HIP1: variants seen among roughly 807,000 people sequenced by gnomAD.
The protein encoded by HIP1 is huntingtin interacting protein 1.
In HIP1, 65 loss-of-function variants were observed where a neutral mutation model predicts 147.6. The observed-to-expected ratio is 0.44, with a 90% CI of 0.36 to 0.54. The LOEUF (loss-of-function observed/expected upper bound fraction) is 0.54, where lower values mean the gene tolerates loss of function less well. HIP1 is among the 20% of genes least tolerant of loss of function. The pLI is 0.00. For synonymous variants in HIP1, 479 were observed against 504.0 expected, an observed-to-expected ratio of 0.95 and a Z score of 0.67; for missense variants, 1,061 against 1,299.6, an observed-to-expected ratio of 0.82 and a Z score of 2.82.
chr7:75,564,768 G>T (rs794359), intron 9 of HIP1, among the ~76,000 whole-genome samples: 132,831 of 151,536 alleles, frequency 0.88, 58,638 homozygotes, highest in Middle Eastern at 0.95. Flanking sequence ...CTAATTTTTT[G>T]TGTGTTTTTG....
In HIP1 at chr7:75,534,507, C is replaced by T. The variant is rs1554488202; in HGVS notation, c.*3665G>A. The stretch of plus-strand genomic sequence containing the variant: ...GGAGTGCAGTGGTGCGATCTTGGCT[C>T]ACTACAACCTCTGTCCCCCGGGTTC... On this transcript the variant is annotated 3_prime_UTR_variant, in exon 31 of 31. Coordinates refer to ENST00000336926, the MANE Select transcript of HIP1 (RefSeq NM_005338.7). The T allele has an allele frequency of 1.1e-5, 2 of 177,884 alleles. No homozygotes were observed. The highest frequency in any genetic ancestry group is 1.2e-5 in the Non-Finnish European group (1 of 83,226). The allele number at this position is 177,884 out of a possible 1,614,324, so 11.0% of individuals were successfully genotyped here.
chr7:75,621,298 G>C (rs986589233), intron 1 of HIP1, among the ~76,000 whole-genome samples: 1 of 145,786 alleles, frequency 6.9e-6, no homozygotes, highest in Non-Finnish European at 1.6e-5. Context: ...TGGCAGGCGC[G>C]AGGAAGTATG....
chr7:75,639,718 G>A (rs1798581642), intron 1 of HIP1, among the ~76,000 whole-genome samples: 1 of 152,046 alleles, frequency 6.6e-6, no homozygotes, highest in African/African-American at 2.4e-5. Flanking sequence ...GGGCGCAGGA[G>A]GCCGACATTC....
chr7:75,611,466 C>CAAA (rs11390672), intron 1 of HIP1, among the ~76,000 whole-genome samples: 18 of 87,660 alleles, frequency 2.1e-4, no homozygotes, highest in African/African-American at 3.1e-4. Context: ...GACTCTGTCT[C>CAAA]AAAAAAAAAA....
intron 1 of HIP1, among the ~76,000 whole-genome samples, chr7:75,630,027 A>G (rs1161970878): frequency 2.0e-5 from 3 of 152,114 alleles, no homozygotes; most frequent in African/African-American, 7.2e-5. Context: ...GCATGGTGGC[A>G]TGCACCTGTA....
chr7:75,620,541 C>A (rs1447173432), intron 1 of HIP1, among the ~76,000 whole-genome samples: 1 of 151,858 alleles, frequency 6.6e-6, no homozygotes, highest in Non-Finnish European at 1.5e-5. Flanking sequence ...CAAAAATTAG[C>A]CAGGGGTGGT....
rs1800068500 is a variant in HIP1 at position 75,681,513 on chromosome 7, T to TGG, written c.120+57287_120+57288insCC. ...CAGCACCTGCTTTTTTTTTTTTTTT[T>TGG]TTTTTTTTTTTGAGACAGGGTCTTG... On this transcript the variant is annotated intron_variant, in intron 1 of 30. Transcript: ENST00000336926. Among the ~76,000 whole-genome samples the TGG allele has an allele frequency of 2.0e-5, 3 of 148,046 alleles. No individual in the cohort carries two copies. The Admixed American group carries it at 2.0e-4, about 10-fold the overall frequency.
intron 1 of HIP1, among the ~76,000 whole-genome samples, chr7:75,612,276 G>A (rs1797468306): frequency 6.6e-6 from 1 of 152,196 alleles, no homozygotes; most frequent in Admixed American, 6.5e-5. Flanking sequence ...TTGGGAGGCG[G>A]AGGTGGGCGG....
intron 1 of HIP1, among the ~76,000 whole-genome samples, chr7:75,675,486 G>A (rs1799860652): frequency 1.3e-5 from 2 of 152,132 alleles, no homozygotes; most frequent in South Asian, 2.1e-4. Flanking sequence ...CCAGGCATGA[G>A]CCACTGTGCC....
chr7:75,670,065 T>C (rs1319965979), intron 1 of HIP1, among the ~76,000 whole-genome samples: 1 of 152,170 alleles, frequency 6.6e-6, no homozygotes, highest in Non-Finnish European at 1.5e-5. Flanking sequence ...CCTCCCAAAG[T>C]GCTGGGATTA....
intron 1 of HIP1, among the ~76,000 whole-genome samples, chr7:75,606,501 G>A (rs1255014899): frequency 2.0e-5 from 3 of 152,054 alleles, no homozygotes; most frequent in Admixed American, 6.6e-5. Flanking sequence ...GCTTGAACAC[G>A]GGAGGTGCAG....
intron 1 of HIP1, among the ~76,000 whole-genome samples, chr7:75,622,650 C>T (rs1243188175): frequency 1.3e-5 from 2 of 152,042 alleles, no homozygotes; most frequent in African/African-American, 4.8e-5. Flanking sequence ...TTGGGGGAAG[C>T]CAGGAGACTG....
At chr7:75,614,648 G>A (rs782362609) in intron 1 of HIP1, among the ~76,000 whole-genome samples, 2 of 152,046 alleles carry the variant, frequency 1.3e-5, no homozygotes, top group Middle Eastern at 3.2e-3. Flanking sequence ...AGTCATGTCG[G>A]TTGCACGACA....
chr7:75,648,790 A>G (rs1404652451), intron 1 of HIP1, among the ~76,000 whole-genome samples: 6 of 151,954 alleles, frequency 3.9e-5, no homozygotes, highest in African/African-American at 1.4e-4. Context: ...AGACCCTGGG[A>G]ATGGGAGGCA....
At chr7:75,619,425 C>T (rs1222671183) in intron 1 of HIP1, among the ~76,000 whole-genome samples, 1 of 149,566 alleles carries the variant, frequency 6.7e-6, no homozygotes, top group Non-Finnish European at 1.5e-5. Flanking sequence ...ACTCGGGAGT[C>T]TGAGGCAGGA....
At chr7:75,718,906 T>C (rs1447970463) in intron 1 of HIP1, among the ~76,000 whole-genome samples, 1 of 152,120 alleles carries the variant, frequency 6.6e-6, no homozygotes, top group Non-Finnish European at 1.5e-5. Flanking sequence ...GTTCCCACCA[T>C]ATATCCTTGC....
chr7:75,621,245 A>C (rs981169832), intron 1 of HIP1, among the ~76,000 whole-genome samples: 5 of 152,044 alleles, frequency 3.3e-5, no homozygotes, highest in African/African-American at 9.7e-5. Context: ...AGCCTGGTAC[A>C]CACCTGGGGG....
chr7:75,681,492 A>C (rs1173288169), intron 1 of HIP1, among the ~76,000 whole-genome samples: 17 of 96,988 alleles, frequency 1.8e-4, no homozygotes, highest in African/African-American at 5.4e-4. Context: ...GCACCACAGC[A>C]CCTGCTTTTT....
chr7:75,611,819 C>T (rs782007267), intron 1 of HIP1: 27 of 1,030,672 alleles, frequency 2.6e-5, no homozygotes, highest in East Asian at 1.2e-4. Flanking sequence ...CTCGTGTCCC[C>T]GGCTGGTTCC....
Sources: allele counts gnomAD v4.1 joint callset (sites outside exome capture counted in the v4.1 genomes callset), GRCh38; gene constraint gnomAD v4.1.1; transcripts MANE v1.5; gene names NCBI Gene and HGNC (gene_info 2026-07-23, HGNC 2026-07-21).